OPA1: variants seen among roughly 807,000 people sequenced by gnomAD.
The protein encoded by OPA1 is dynamin-like GTPase OPA1, mitochondrial.
In OPA1, 59 loss-of-function variants were observed where a neutral mutation model predicts 152.9. The ratio of observed to expected loss-of-function variants is 0.39; its 90% confidence interval spans 0.31 to 0.48. OPA1 has a LOEUF of 0.48. Among genes scored for constraint, OPA1 ranks in the 20% least tolerant of loss-of-function variants. The pLI is 0.96. For missense variants in OPA1, 1,008 were observed against 1,216.8 expected, an observed-to-expected ratio of 0.83 and a Z score of 2.55; for synonymous variants, 400 against 389.9, an observed-to-expected ratio of 1.03 and a Z score of -0.31.
chr3:193,631,962 A>C (rs1414265785), intron 8 of OPA1, among the ~76,000 whole-genome samples: 1 of 152,216 alleles, frequency 6.6e-6, no homozygotes, highest in Non-Finnish European at 1.5e-5. Flanking sequence ...TACATTGATA[A>C]GCTAATACAG....
At chr3:193,657,837 G>A (rs1018273130) in intron 23 of OPA1, among the ~76,000 whole-genome samples, 1 of 152,182 alleles carries the variant, frequency 6.6e-6, no homozygotes, top group African/African-American at 2.4e-5. Flanking sequence ...AATCAAATCT[G>A]TTAAGTGCCT....
At chr3:193,598,526 G>C (rs140472155) in intron 1 of OPA1, among the ~76,000 whole-genome samples, 3 of 152,324 alleles carry the variant, frequency 2.0e-5, no homozygotes, top group Non-Finnish European at 4.4e-5. Context: ...GGTACAGGCA[G>C]AGAGAAAAAC....
At chr3:193,676,845 G>C (rs373797139) in intron 29 of OPA1, among the ~76,000 whole-genome samples, 2 of 152,044 alleles carry the variant, frequency 1.3e-5, no homozygotes, top group Non-Finnish European at 2.9e-5. Context: ...GCCAGGCGTG[G>C]TGGCGGGCGC....
At chr3:193,605,580 A>G (rs1219697254) in intron 1 of OPA1, among the ~76,000 whole-genome samples, 1 of 152,214 alleles carries the variant, frequency 6.6e-6, no homozygotes, top group Non-Finnish European at 1.5e-5. Context: ...TCGAAAGATC[A>G]GGGGTATTAC....
At chr3:193,687,702 GT>G (rs1721102880) in intron 29 of OPA1, among the ~76,000 whole-genome samples, 2 of 152,280 alleles carry the variant, frequency 1.3e-5, no homozygotes, top group Non-Finnish European at 2.9e-5. Context: ...GGATAACTTG[GT>G]TTTCTGGGCA....
At position 193,614,885 on chromosome 3, in the gene OPA1, G is replaced by C. The variant is rs762167113; in HGVS notation, c.195G>C (p.Leu65=). The change falls in exon 2 of 31, where the codon CTG becomes CTC. Residue 65 remains leucine, a synonymous_variant. Coordinates refer to ENST00000361510, the MANE Select transcript of OPA1 (RefSeq NM_130837.3). The stretch of plus-strand genomic sequence containing the variant: ...CATCCTTTCAGCAGTTCTCTTCTCT[G>C]ACAAACCTTCCTTTACGTAAACTGA... ...LRTSFQQFSS[L]TNLPLRKLKF... 1.9e-6 allele frequency: 3 copies of C among 1,613,960 alleles called. No individual in the cohort carries two copies. The highest frequency in any genetic ancestry group is 2.5e-6 in the Non-Finnish European group (3 of 1,179,934).
At chr3:193,670,751 G>A (rs1465178050) in intron 29 of OPA1, among the ~76,000 whole-genome samples, 2 of 152,122 alleles carry the variant, frequency 1.3e-5, no homozygotes, top group African/African-American at 4.8e-5. Context: ...GTTCACTATT[G>A]AAATGAAACC....
chr3:193,637,077 C>T, intron 9 of OPA1, 118 bp from the exon 10 acceptor site: 1 of 556,250 alleles, frequency 1.8e-6, no homozygotes. Context: ...TTTGAGAAAA[C>T]AGTACAATGA....
At chr3:193,603,027 T>C (rs529116088) in intron 1 of OPA1, among the ~76,000 whole-genome samples, 79 of 152,294 alleles carry the variant, frequency 5.2e-4, no homozygotes, top group African/African-American at 1.8e-3. Context: ...GGTGGAAATA[T>C]ACTGCCTCTA....
At chr3:193,613,038 T>A (rs552774530) in intron 1 of OPA1, among the ~76,000 whole-genome samples, 67 of 152,168 alleles carry the variant, frequency 4.4e-4, no homozygotes, top group Non-Finnish European at 7.9e-4. Context: ...TTTCTTCAAA[T>A]CCCACTTCTG....
At chr3:193,621,773 T>C (rs1730133810) in intron 6 of OPA1, among the ~76,000 whole-genome samples, 6 of 152,212 alleles carry the variant, frequency 3.9e-5, no homozygotes, top group Admixed American at 3.9e-4. Flanking sequence ...GACATAGCCC[T>C]GGATGTGAAC....
chr3:193,675,819 A>T (rs562688507), intron 29 of OPA1, among the ~76,000 whole-genome samples: 1 of 152,328 alleles, frequency 6.6e-6, no homozygotes, highest in East Asian at 1.9e-4. Flanking sequence ...ATTGTACTGT[A>T]CACATTTACT....
At chr3:193,625,145 T>C (rs1186752255) in intron 6 of OPA1, among the ~76,000 whole-genome samples, 1 of 152,144 alleles carries the variant, frequency 6.6e-6, no homozygotes, top group African/African-American at 2.4e-5. Context: ...TAAGAGGCCA[T>C]CAGTTAATAA....
Position 193,637,301 on chromosome 3 carries a change from T to C in OPA1, c.1035+20T>C, listed in dbSNP as rs368025705. The C allele has an allele frequency of 6.8e-5, 104 of 1,530,264 alleles. No homozygotes were observed. Among genetic ancestry groups the C allele is most frequent in the Non-Finnish European group, 8.7e-5 (96 of 1,105,540 alleles). The allele number at this position is 1,530,264 out of a possible 1,614,324, so 94.8% of individuals were successfully genotyped here. On this transcript the variant is annotated intron_variant, in intron 10 of 30. Transcript: ENST00000361510. ...CCACGGGTATGTGAAAAATTGATAG[T>C]GAACTTGCCAATTAGCAAAAAAAGA...
chr3:193,639,982 C>G (rs1024170367), intron 11 of OPA1, among the ~76,000 whole-genome samples: 2 of 151,914 alleles, frequency 1.3e-5, no homozygotes, highest in Non-Finnish European at 1.5e-5. Context: ...GGGTCTTTAG[C>G]CTGAACAAAT....
chr3:193,690,813 G>A (rs1651149526), intron 29 of OPA1, among the ~76,000 whole-genome samples: 1 of 152,150 alleles, frequency 6.6e-6, no homozygotes, highest in Non-Finnish European at 1.5e-5. Context: ...TTGCCTCTAG[G>A]TCACTCACTT....
chr3:193,608,775 G>T (rs188916352), intron 1 of OPA1, among the ~76,000 whole-genome samples: 1 of 152,026 alleles, frequency 6.6e-6, no homozygotes, highest in Non-Finnish European at 1.5e-5. Flanking sequence ...TTTCTGTCTC[G>T]TTGGTCTGTC....
chr3:193,683,878 G>A (rs1403491856), intron 29 of OPA1, among the ~76,000 whole-genome samples: 1 of 152,156 alleles, frequency 6.6e-6, no homozygotes, highest in African/African-American at 2.4e-5. Context: ...TCACTTTATT[G>A]TGATATACGC....
intron 1 of OPA1, among the ~76,000 whole-genome samples, chr3:193,593,967 C>T (rs281797): frequency 0.72 from 108,941 of 151,880 alleles, 39,188 homozygotes; most frequent in African/African-American, 0.76. Context: ...GTGTCAGAGA[C>T]GGTGATTCGA....
Sources: gnomAD v4.1 joint callset for allele counts (sites outside exome capture counted in the v4.1 genomes callset) on GRCh38, gnomAD v4.1.1 for gene constraint, MANE v1.5 for transcripts, NCBI Gene and HGNC (gene_info 2026-07-23, HGNC 2026-07-21) for gene names.